The following DPP6 variants were observed in gnomAD, a reference collection of about 807,000 sequenced individuals.
The protein encoded by DPP6 is dipeptidyl peptidase like 6, also known as A-type potassium channel modulatory protein DPP6.
In DPP6, 69 loss-of-function variants were observed where a neutral mutation model predicts 122.6. The ratio of observed to expected loss-of-function variants is 0.56; its 90% CI spans 0.46 to 0.69. The LOEUF is 0.69. Ranked by LOEUF, DPP6 falls within the 30% of genes least tolerant of loss-of-function variation. DPP6 has a pLI of 0.00. For synonymous variants in DPP6, 418 were observed against 433.1 expected (o/e 0.97, Z 0.43); for missense variants, 928 against 1,116.9 (o/e 0.83, Z 2.41).
intron 1 of DPP6, among the ~76,000 whole-genome samples, chr7:154,138,604 A>C (rs1795696677): frequency 6.6e-6 from 1 of 151,920 alleles, no homozygotes; most frequent in South Asian, 2.1e-4. Context: ...CTGTGTAGGC[A>C]GGAGCATATT....
At chr7:154,782,192 C>T (rs1797069798) in intron 10 of DPP6, among the ~76,000 whole-genome samples, 1 of 152,138 alleles carries the variant, frequency 6.6e-6, no homozygotes, top group African/African-American at 2.4e-5. Context: ...CGCTTGGATG[C>T]ATCAGTGCAT....
chr7:154,566,707 G>T, intron 4 of DPP6, 135 bp from the exon 5 acceptor site: 2 of 592,422 alleles, frequency 3.4e-6, no homozygotes, highest in South Asian at 2.2e-5. Flanking sequence ...ATATTATTCA[G>T]CTAACAAAGA....
intron 2 of DPP6, among the ~76,000 whole-genome samples, chr7:154,466,332 T>G (rs902460691): frequency 1.3e-5 from 2 of 152,188 alleles, no homozygotes; most frequent in Non-Finnish European, 2.9e-5. Flanking sequence ...TCTGCACATG[T>G]ATCCCAGAAC....
At chr7:154,680,856 T>G (rs1839238696) in intron 7 of DPP6, among the ~76,000 whole-genome samples, 1 of 152,172 alleles carries the variant, frequency 6.6e-6, no homozygotes. Flanking sequence ...GGGATCACAG[T>G]GCCGTTAATT....
At position 154,893,451 on chromosome 7, in the gene DPP6, TTAAAAAAAAAAAAAAAAAAA is replaced by T. The variant is rs1396031981; in HGVS notation, c.*972_*991del. ...CAAGCTCTTTCCCATGACATTTGGT[TTAAAAAAAAAAAAAAAAAAA>T]AAAAAAAAACAGAAAAAAGACAAAG... On this transcript the variant is annotated 3_prime_UTR_variant, in exon 26 of 26. Coordinates refer to ENST00000377770, the MANE Select transcript of DPP6 (RefSeq NM_130797.4). 2 of 61,336 alleles carry T rather than the reference TTAAAAAAAAAAAAAAAAAAA, an allele frequency of 3.3e-5. No individual in the cohort carries two copies. The highest frequency in any genetic ancestry group is 1.0e-4 in the African/African-American group (2 of 19,888). The allele number at this position is 61,336 out of a possible 1,614,324, so 3.8% of individuals were successfully genotyped here.
intron 1 of DPP6, among the ~76,000 whole-genome samples, chr7:154,242,381 A>AGT (rs139152037): frequency 0.016 from 2,391 of 150,298 alleles, 64 homozygotes; most frequent in African/African-American, 0.051. Context: ...AGAGGCAATG[A>AGT]GTGTGTGTGT....
chr7:154,510,923 TACACACACACATGCAC>T (rs1826022352), intron 3 of DPP6, among the ~76,000 whole-genome samples: 1 of 121,342 alleles, frequency 8.2e-6, no homozygotes. Context: ...CTCTTACACA[TACACACACACATGCAC>T]ACACACACAC....
chr7:153,871,191 C>A, the DPP6 span, among the ~76,000 whole-genome samples: 1 of 152,364 alleles, frequency 6.6e-6, no homozygotes, highest in South Asian at 2.1e-4. Context: ...CAGACAGCGA[C>A]ATTTAAGTCT....
chr7:154,181,749 C>CTTTTTTTTTTTTTT lies in DPP6; in HGVS notation c.243+128692_243+128705dup, dbSNP rs57576340. Among the ~76,000 whole-genome samples, 2 of 134,912 alleles carry CTTTTTTTTTTTTTT rather than the reference C, an allele frequency of 1.5e-5. 1 individual carries two copies. The highest frequency in any genetic ancestry group is 5.5e-5 in the African/African-American group (2 of 36,294). The allele number at this position is 134,912 out of a possible 152,430, so 88.5% of individuals were successfully genotyped here. A position where few individuals can be genotyped will look rare whatever the true frequency, so the allele number is the denominator to read the frequency against. ...TGCACTCATGAAAATGCATCTCCCT[C>CTTTTTTTTTTTTTT]TTTTTTTTTTTTTTTTTTTGAGACA... On this transcript the variant is annotated intron_variant, in intron 1 of 25. Transcript: ENST00000377770.
intron 1 of DPP6, among the ~76,000 whole-genome samples, chr7:154,199,581 T>C (rs1162870155): frequency 6.6e-6 from 1 of 152,130 alleles, no homozygotes; most frequent in Non-Finnish European, 1.5e-5. Context: ...AAAATTAACC[T>C]CATGGCATCT....
chr7:153,905,867 C>T (rs571641018), intron 1 of DPP6, among the ~76,000 whole-genome samples: 2 of 152,186 alleles, frequency 1.3e-5, no homozygotes, highest in African/African-American at 2.4e-5. Context: ...GACTGAATTG[C>T]GGTTTGATCC....
the DPP6 span, among the ~76,000 whole-genome samples, chr7:153,763,295 C>T: frequency 6.7e-6 from 1 of 150,306 alleles, no homozygotes; most frequent in Admixed American, 6.7e-5. Context: ...GCCATTACCA[C>T]CAAATAAAAC....
intron 1 of DPP6, among the ~76,000 whole-genome samples, chr7:154,072,916 A>G (rs1183303701): frequency 6.6e-6 from 1 of 152,268 alleles, no homozygotes; most frequent in Non-Finnish European, 1.5e-5. Context: ...GTTGTCTGGC[A>G]CAGAGAGAGC....
chr7:154,381,484 CAT>C (rs1245188310), intron 1 of DPP6, among the ~76,000 whole-genome samples: 3 of 152,284 alleles, frequency 2.0e-5, no homozygotes, highest in Admixed American at 6.5e-5. Context: ...GATCTATAGA[CAT>C]ATGTGTGTAT....
the DPP6 span, among the ~76,000 whole-genome samples, chr7:153,781,680 G>A: frequency 0.014 from 1,944 of 137,086 alleles, no homozygotes; most frequent in African/African-American, 0.038. Flanking sequence ...GAGATGCATG[G>A]TGATTGGTGA....
intron 1 of DPP6, among the ~76,000 whole-genome samples, chr7:154,060,090 AG>A (rs1244274605): frequency 2.2e-4 from 28 of 128,804 alleles, no homozygotes; most frequent in African/African-American, 6.6e-4. Flanking sequence ...CCACCATCGC[AG>A]GGGGGGAGGC....
chr7:153,974,091 G>A (rs898704455), intron 1 of DPP6, among the ~76,000 whole-genome samples: 11 of 152,070 alleles, frequency 7.2e-5, no homozygotes, highest in South Asian at 4.1e-4. Flanking sequence ...GAGCCTGACC[G>A]TCTTAAAAAA....
intron 1 of DPP6, among the ~76,000 whole-genome samples, chr7:154,176,567 C>T (rs1222344718): frequency 4.6e-5 from 7 of 152,202 alleles, no homozygotes; most frequent in Non-Finnish European, 1.5e-5. Context: ...TATGTGTCTG[C>T]GTATGTGTGT....
intron 3 of DPP6, among the ~76,000 whole-genome samples, chr7:154,479,247 T>A (rs1301487909): frequency 6.6e-6 from 1 of 152,072 alleles, no homozygotes; most frequent in African/African-American, 2.4e-5. Context: ...CCAAATGAGG[T>A]GTGTAAAGCC....
Sources: allele counts gnomAD v4.1 joint callset (sites outside exome capture counted in the v4.1 genomes callset), GRCh38; gene constraint gnomAD v4.1.1; transcripts MANE v1.5; gene names NCBI Gene and HGNC (gene_info 2026-07-23, HGNC 2026-07-21).